The following GJA9 variants were observed in gnomAD, a reference collection of about 807,000 sequenced individuals.
GJA9 encodes gap junction alpha-9 protein.
Under a neutral mutation model 0.4 loss-of-function variants are expected in GJA9, and 1 was observed. That is an observed-to-expected ratio of 2.50 (90% CI 0.89 to 11.88). The LOEUF (loss-of-function observed/expected upper bound fraction) is 11.88, where lower values mean the gene tolerates loss of function less well. Among genes scored for constraint, GJA9 ranks in the 30% most tolerant of loss-of-function variants. The pLI, the probability that GJA9 is intolerant of heterozygous loss-of-function variation, is 0.12. For missense variants in GJA9, 550 were observed against 602.8 expected (o/e 0.91, Z 0.92); for synonymous variants, 190 against 219.1 (o/e 0.87, Z 1.17).
rs1020709262 is a variant in GJA9, at chr1:38,874,653, C to T, written c.1446G>A (p.Gly482=). The change falls in exon 2 of 2, where the codon GGG becomes GGA. Residue 482 remains glycine, a synonymous_variant. Transcript: ENST00000357771. The stretch of plus-strand genomic sequence containing the variant: ...CAGGATTATTACAGGTTCTGACCAA[C>T]CCTGGCTCAAAGGACAGCCCTCCCA... ...DSLGGLSFEP[G]LVRTCNNPVC... 1.9e-6 allele frequency: 3 copies of T among 1,614,186 alleles called. No homozygotes were observed. Among genetic ancestry groups the T allele is most frequent in the Admixed American group, 3.3e-5 (2 of 60,028 alleles).
At position 38,875,758 on chromosome 1, in the gene GJA9, A is replaced by C; in HGVS notation, c.341T>G (p.Leu114Ter). 6.2e-7 allele frequency: 1 copy of C among 1,614,220 alleles called. No homozygotes were observed. Among genetic ancestry groups the C allele is most frequent in the Middle Eastern group, 1.6e-4 (1 of 6,062 alleles). Residue 114 changes from leucine (L) to a stop codon, truncating the protein, a stop_gained, in exon 2 of 2, where the codon TTA becomes TGA. Transcript: ENST00000357771. LOFTEE classifies it low-confidence loss of function (END_TRUNC). ...CTCTACCTCCTCCAGTTCTACTCTT[A>C]ACTGAGCTTTCATCCTTTGCCTCTC... ...EEERQRMKAQ[L>*]RVELEEVEFE... is the part of the protein sequence containing the mutation.
At chr1:38,880,630 A>G (rs967625602) in intron 1 of GJA9, among the ~76,000 whole-genome samples, 1 of 151,364 alleles carries the variant, frequency 6.6e-6, no homozygotes, top group Non-Finnish European at 1.5e-5. Flanking sequence ...AAAAATACAA[A>G]AATTAGCCGG....
Position 38,876,187 on chromosome 1 carries a change from A to G in GJA9, c.-89T>C, listed in dbSNP as rs774733173. 9.8e-5 allele frequency: 101 copies of G among 1,027,568 alleles called. No individual in the cohort carries two copies. Among genetic ancestry groups the G allele is most frequent in the Non-Finnish European group, 1.3e-4 (92 of 683,044 alleles). 63.7% of individuals were successfully genotyped at this position (1,027,568 alleles called of 1,614,324 possible). On this transcript the variant is annotated 5_prime_UTR_variant, in exon 2 of 2. Coordinates refer to ENST00000357771, the MANE Select transcript of GJA9 (RefSeq NM_030772.5). Reference sequence around the variant, plus strand: ...TTCTGAAGGGAGCACTATTTCTTAAAGCAAACCTATGGTGAAAATATAACA... The same window carrying G: ...TTCTGAAGGGAGCACTATTTCTTAAGGCAAACCTATGGTGAAAATATAACA...
chr1:38,876,012 C>G lies in GJA9; in HGVS notation c.87G>C (p.Leu29=), dbSNP rs1391798612. ...TMIGKIWLTI[L]FIFRMLVLGV... Reference sequence around the variant, plus strand: ...CCAGAACAAGCATTCGAAATATGAACAGGATGGTGAGCCAGATCTTTCCAA... The same window carrying G: ...CCAGAACAAGCATTCGAAATATGAAGAGGATGGTGAGCCAGATCTTTCCAA... The change falls in exon 2 of 2, where the codon CTG becomes CTC. Residue 29 remains leucine (L), a synonymous_variant. Transcript: ENST00000357771. The G allele has an allele frequency of 6.2e-7, 1 of 1,614,204 alleles. No individual in the cohort carries two copies. Among genetic ancestry groups the G allele is most frequent in the Non-Finnish European group, 8.5e-7 (1 of 1,180,042 alleles).
At position 38,876,143 on chromosome 1, in the gene GJA9, AG is replaced by A; in HGVS notation, c.-46del. The A allele has an allele frequency of 6.8e-7, 1 of 1,468,936 alleles. No individual in the cohort carries two copies. Among genetic ancestry groups the A allele is most frequent in the Admixed American group, 1.9e-5 (1 of 53,750 alleles). 91.0% of individuals were successfully genotyped at this position (1,468,936 alleles called of 1,614,324 possible). A position where few individuals can be genotyped will look rare whatever the true frequency, so the allele number is the denominator to read the frequency against. On this transcript the variant is annotated 5_prime_UTR_variant, in exon 2 of 2. The change abolishes the stop of an existing upstream ORF in the 5' untranslated region. Transcript: ENST00000357771. The stretch of plus-strand genomic sequence containing the variant: ...TTAGCTCTGATCCACATCAAATAAG[AG>A]GCAGATAAATTCTTCCATTCTGAAG...
intron 1 of GJA9, among the ~76,000 whole-genome samples, chr1:38,879,612 TTTCTC>T (rs1642654152): frequency 6.6e-6 from 1 of 152,260 alleles, no homozygotes; most frequent in Non-Finnish European, 1.5e-5. Context: ...GATTATCTGT[TTTCTC>T]TTAAGTTTAA....
chr1:38,877,299 A>G (rs146717185), intron 1 of GJA9, among the ~76,000 whole-genome samples: 4,250 of 152,106 alleles, frequency 0.028, 84 homozygotes, highest in Non-Finnish European at 0.043. Context: ...TCGGCCTCCC[A>G]AAGTGCTGGG....
intron 1 of GJA9, among the ~76,000 whole-genome samples, chr1:38,880,208 G>A (rs1454733705): frequency 6.7e-6 from 1 of 148,482 alleles, no homozygotes; most frequent in Non-Finnish European, 1.5e-5. Flanking sequence ...TTTGAGACCA[G>A]CCTGGCCAAC....
rs772330943 is a variant in GJA9 at position 38,875,420 on chromosome 1, T to A, written c.679A>T (p.Ile227Phe). ...SIATISLFLN[I>F]LEIFHLGFKK... ...AAACCTAGGTGGAAAATTTCAAGAATGTTTAAGAAAAGTGAAATAGTGGCT... is the reference window on the plus strand; with the variant it reads ...AAACCTAGGTGGAAAATTTCAAGAAAGTTTAAGAAAAGTGAAATAGTGGCT... Residue 227 changes from isoleucine to phenylalanine, a missense_variant, in exon 2 of 2, where the codon ATT (isoleucine) becomes TTT (phenylalanine). Ile to Phe is a conservative substitution (Grantham distance 21). Transcript: ENST00000357771. 1 of 1,613,632 alleles carries A rather than the reference T, an allele frequency of 6.2e-7. No homozygotes were observed. Among genetic ancestry groups the A allele is most frequent in the African/African-American group, 1.3e-5 (1 of 74,858 alleles).
chr1:38,875,370 C>G lies in GJA9; in HGVS notation c.729G>C (p.Trp243Cys). 6.2e-7 allele frequency: 1 copy of G among 1,614,000 alleles called. No homozygotes were observed. Among genetic ancestry groups the G allele is most frequent in the Non-Finnish European group, 8.5e-7 (1 of 1,180,010 alleles). Reference protein sequence around the residue: ...LGFKKIKRGLWGKYKLKKEHN... With the variant: ...LGFKKIKRGLCGKYKLKKEHN... Reference sequence around the variant, plus strand: ...GTTCCTTCTTCAACTTGTATTTTCCCCAAAGCCCTCTTTTAATCTTTTTAA... The same window carrying G: ...GTTCCTTCTTCAACTTGTATTTTCCGCAAAGCCCTCTTTTAATCTTTTTAA... The change falls in exon 2 of 2, where the codon TGG becomes TGC. Residue 243 changes from tryptophan to cysteine, a missense_variant. Physicochemically the swap from Trp to Cys is radical, Grantham distance 215. Coordinates refer to ENST00000357771, the MANE Select transcript of GJA9 (RefSeq NM_030772.5).
In GJA9 at chr1:38,874,785, A is replaced by C; in HGVS notation, c.1314T>G (p.Pro438=). Residue 438 remains proline (P), a synonymous_variant, in exon 2 of 2, where the codon CCT becomes CCG. Transcript: ENST00000357771. The stretch of plus-strand genomic sequence containing the variant: ...ACTGGCCCTTGAGGTTACCTTTAGG[A>C]GGTGACCCCCGGTTTTCATGTTCTG... ...SSTEHENRGS[P]PKGNLKGQFR... is the part of the protein sequence containing the mutation. The C allele has an allele frequency of 6.2e-7, 1 of 1,614,128 alleles. No individual in the cohort carries two copies. Among genetic ancestry groups the C allele is most frequent in the South Asian group, 1.1e-5 (1 of 91,086 alleles).
rs1642550684 is a variant in GJA9 at position 38,874,822 on chromosome 1, C to T, written c.1277G>A (p.Trp426Ter). Residue 426 changes from tryptophan (W) to a stop codon, truncating the protein, a stop_gained, in exon 2 of 2, where the codon TGG (tryptophan) becomes TAG (stop). Coordinates refer to ENST00000357771, the MANE Select transcript of GJA9 (RefSeq NM_030772.5). LOFTEE classifies it low-confidence loss of function (END_TRUNC). ...GTTTTCATGTTCTGTAGAGGAACCC[C>T]ATGTAGCTCTAAGCCACCGCGGTTT... is the stretch of plus-strand genomic sequence containing the variant. ...DWKPRWLRAT[W>*]GSSTEHENRG... The T allele has an allele frequency of 6.2e-7, 1 of 1,614,122 alleles. No homozygotes were observed. Among genetic ancestry groups the T allele is most frequent in the Non-Finnish European group, 8.5e-7 (1 of 1,180,034 alleles).
At chr1:38,876,284 T>C in intron 1 of GJA9, 91 bp from the exon 2 acceptor site, 1 of 615,358 alleles carries the variant, frequency 1.6e-6, no homozygotes, top group South Asian at 2.1e-5. Context: ...TTTGTTTGTT[T>C]GTTTGTTGAG....
intron 1 of GJA9, among the ~76,000 whole-genome samples, chr1:38,879,802 C>G (rs1369357160): frequency 6.6e-6 from 1 of 152,106 alleles, no homozygotes; most frequent in Non-Finnish European, 1.5e-5. Context: ...TCTCGGCTCA[C>G]TGCAAGCTCC....
rs916202947 is a variant in GJA9 at position 38,881,556 on chromosome 1, A to G, written c.-220T>C. 1.5e-5 allele frequency: 10 copies of G among 685,406 alleles called. No homozygotes were observed. Among genetic ancestry groups the G allele is most frequent in the East Asian group, 2.7e-5 (1 of 36,686 alleles). The allele number at this position is 685,406 out of a possible 1,614,324, so 42.5% of individuals were successfully genotyped here. On this transcript the variant is annotated 5_prime_UTR_variant, in exon 1 of 2. Transcript: ENST00000357771. ...GAGCAGATTCAGTTCAGTTGAATGT[A>G]GTGAGTGAGTCATCCATCAACTAAA... is the stretch of plus-strand genomic sequence containing the variant.
In GJA9 at chr1:38,880,413, AAATAATAATAATAATAAT is replaced by A. The variant is rs201524082; in HGVS notation, c.-96+1001_-96+1018del. 8.3e-5 allele frequency among the ~76,000 whole-genome samples: 10 copies of A among 119,788 alleles called. No individual in the cohort carries two copies. In the South Asian group the frequency reaches 1.7e-3, roughly 20 times the overall value. The allele number at this position is 119,788 out of a possible 152,430, so 78.6% of individuals were successfully genotyped here. A position where few individuals can be genotyped will look rare whatever the true frequency, so the allele number is the denominator to read the frequency against. Reference sequence around the variant, plus strand: ...GCAAGACTCTGTCTCAAAAAAAAATAAATAATAATAATAATAATAATAATAATAATAATAATAATAGCA... The same window carrying A: ...GCAAGACTCTGTCTCAAAAAAAAATAAATAATAATAATAATAATAATAGCA... On this transcript the variant is annotated intron_variant, in intron 1 of 1. Coordinates refer to ENST00000357771, the MANE Select transcript of GJA9 (RefSeq NM_030772.5).
At chr1:38,877,786 C>T (rs374062839) in intron 1 of GJA9, among the ~76,000 whole-genome samples, 13 of 152,162 alleles carry the variant, frequency 8.5e-5, no homozygotes, top group African/African-American at 2.6e-4. Context: ...CATGAGCCAC[C>T]GTGCCCGGTC....
intron 1 of GJA9, among the ~76,000 whole-genome samples, chr1:38,877,881 C>T (rs1015515123): frequency 1.3e-5 from 2 of 152,092 alleles, no homozygotes; most frequent in South Asian, 4.1e-4. Flanking sequence ...ATATGGCATT[C>T]AGTGAAACCA....
In GJA9 at chr1:38,875,218, G is replaced by A. The variant is rs1195760408; in HGVS notation, c.881C>T (p.Thr294Ile). ...TGAATTTAAACTAGGGTACACTGCAGTGTGTGTTTGCTTTTCCACTAACAG... is the reference window on the plus strand; with the variant it reads ...TGAATTTAAACTAGGGTACACTGCAATGTGTGTTTGCTTTTCCACTAACAG... Reference protein sequence around the residue: ...YNLLVEKQTHTAVYPSLNSSS... With the variant: ...YNLLVEKQTHIAVYPSLNSSS... Residue 294 changes from threonine to isoleucine, a missense_variant, in exon 2 of 2, where the codon ACT (threonine) becomes ATT (isoleucine). Thr to Ile is a moderately conservative substitution (Grantham distance 89). Coordinates refer to ENST00000357771, the MANE Select transcript of GJA9 (RefSeq NM_030772.5). 1 of 1,614,170 alleles carries A rather than the reference G, an allele frequency of 6.2e-7. No homozygotes were observed. Among genetic ancestry groups the A allele is most frequent in the Non-Finnish European group, 8.5e-7 (1 of 1,180,000 alleles).
Sources: gnomAD v4.1 joint callset for allele counts (sites outside exome capture counted in the v4.1 genomes callset) on GRCh38, gnomAD v4.1.1 for gene constraint, MANE v1.5 for transcripts, NCBI Gene and HGNC (gene_info 2026-07-23, HGNC 2026-07-21) for gene names.